ITFG1: variants seen among roughly 807,000 people sequenced by gnomAD.
The protein encoded by ITFG1 is integrin alpha FG-GAP repeat containing 1.
Under a neutral mutation model 81.8 loss-of-function variants are expected in ITFG1, and 34 were observed. The ratio of observed to expected loss-of-function variants is 0.42; its 90% CI spans 0.32 to 0.55. The LOEUF (loss-of-function observed/expected upper bound fraction) is 0.55. Among genes scored for constraint, ITFG1 ranks in the 20% least tolerant of loss-of-function variants. The pLI is 0.17. For missense variants in ITFG1, 672 were observed against 755.4 expected (o/e 0.89, Z 1.29); for synonymous variants, 285 against 270.6 (o/e 1.05, Z -0.52).
At chr16:47,363,856 G>T (rs1039386831) in intron 8 of ITFG1, among the ~76,000 whole-genome samples, 4 of 151,946 alleles carry the variant, frequency 2.6e-5, no homozygotes, top group Non-Finnish European at 1.5e-5. Flanking sequence ...AGTGAGCTGG[G>T]AGCCATTTAA....
chr16:47,444,213 T>G (rs572922537), intron 5 of ITFG1, among the ~76,000 whole-genome samples: 132 of 152,278 alleles, frequency 8.7e-4, no homozygotes, highest in Non-Finnish European at 1.5e-3. Context: ...GTAAATCAGA[T>G]AAAACTGATT....
intron 6 of ITFG1, among the ~76,000 whole-genome samples, chr16:47,384,662 C>T (rs1047831897): frequency 1.3e-4 from 20 of 152,170 alleles, no homozygotes; most frequent in African/African-American, 4.6e-4. Context: ...CACTTACTTG[C>T]CTATAAAATG....
intron 5 of ITFG1, among the ~76,000 whole-genome samples, chr16:47,437,945 G>T (rs1158806425): frequency 1.3e-5 from 2 of 152,216 alleles, no homozygotes; most frequent in African/African-American, 4.8e-5. Flanking sequence ...AAAGAAAGGG[G>T]TGACAGATGG....
chr16:47,350,680 T>C (rs146353413), intron 8 of ITFG1, among the ~76,000 whole-genome samples: 2,366 of 152,004 alleles, frequency 0.016, 62 homozygotes, highest in African/African-American at 0.053. Context: ...TTCCAATCAA[T>C]AGAAAAAGAG....
intron 10 of ITFG1, among the ~76,000 whole-genome samples, chr16:47,309,314 C>T (rs1017766131): frequency 3.3e-5 from 5 of 152,104 alleles, no homozygotes; most frequent in African/African-American, 7.2e-5. Flanking sequence ...TCATGATCCG[C>T]GTGCCTCGGC....
chr16:47,227,312 C>G (rs1596820081), intron 13 of ITFG1, among the ~76,000 whole-genome samples: 1 of 152,144 alleles, frequency 6.6e-6, no homozygotes, highest in Non-Finnish European at 1.5e-5. Flanking sequence ...ATTGCTGTAT[C>G]TTTCACACCT....
At chr16:47,181,880 T>C (rs1965129076) in intron 14 of ITFG1, among the ~76,000 whole-genome samples, 5 of 152,174 alleles carry the variant, frequency 3.3e-5, no homozygotes, top group Admixed American at 3.3e-4. Context: ...TCTATGACCT[T>C]ACCCCCAACC....
At chr16:47,183,750 G>A (rs1014033549) in intron 14 of ITFG1, among the ~76,000 whole-genome samples, 4 of 152,222 alleles carry the variant, frequency 2.6e-5, no homozygotes, top group Admixed American at 6.5e-5. Context: ...CCAAAGGAAC[G>A]CAGTTCCTCA....
intron 9 of ITFG1, chr16:47,311,798 A>C (rs1266139382): frequency 6.4e-6 from 1 of 157,368 alleles, no homozygotes; most frequent in Non-Finnish European, 1.4e-5. Context: ...AATATCATCT[A>C]ATACTGATGT....
chr16:47,320,952 C>G (rs150764070), intron 8 of ITFG1, among the ~76,000 whole-genome samples: 1 of 152,218 alleles, frequency 6.6e-6, no homozygotes, highest in African/African-American at 2.4e-5. Flanking sequence ...AAATGTTGCT[C>G]CATAGATGGT....
chr16:47,425,467 T>A (rs1022941922), intron 6 of ITFG1, among the ~76,000 whole-genome samples: 3 of 151,876 alleles, frequency 2.0e-5, no homozygotes, highest in Non-Finnish European at 2.9e-5. Flanking sequence ...GTCCAACCAG[T>A]CCCAATGCAA....
At position 47,342,291 on chromosome 16, in the gene ITFG1, A is replaced by T. The variant is rs541934570; in HGVS notation, c.802+23497T>A. ...GACCCACATGATCATCTCAAGTGAC[A>T]CATAAAAGGCACATGACAAATTCAA... On this transcript the variant is annotated intron_variant, in intron 8 of 17. Coordinates refer to ENST00000320640, the MANE Select transcript of ITFG1 (RefSeq NM_030790.5). Among the ~76,000 whole-genome samples, 98 of 152,314 alleles carry T rather than the reference A, an allele frequency of 6.4e-4. 1 individual carries two copies. The highest frequency in any genetic ancestry group is 2.1e-3 in the African/African-American group (88 of 41,588).
chr16:47,304,625 GT>G, intron 10 of ITFG1, among the ~76,000 whole-genome samples: 1 of 152,222 alleles, frequency 6.6e-6, no homozygotes. Context: ...ATTAATATAT[GT>G]GACTGAAAGT....
chr16:47,341,404 AAAAAAAAAAAAAG>A (rs1967781419), intron 8 of ITFG1, among the ~76,000 whole-genome samples: 1 of 148,688 alleles, frequency 6.7e-6, no homozygotes, highest in Non-Finnish European at 1.5e-5. Context: ...GCCACTGAAA[AAAAAAAAAAAAAG>A]AAAAAAAAAA....
At chr16:47,223,068 T>A (rs1965713379) in intron 13 of ITFG1, among the ~76,000 whole-genome samples, 1 of 151,338 alleles carries the variant, frequency 6.6e-6, no homozygotes. Context: ...TCCTTACACC[T>A]TATACAAAAA....
chr16:47,260,030 C>T (rs1966189274), intron 11 of ITFG1, among the ~76,000 whole-genome samples: 1 of 151,780 alleles, frequency 6.6e-6, no homozygotes, highest in Admixed American at 6.6e-5. Flanking sequence ...ACTCTGCCTC[C>T]CGGGTTCACG....
chr16:47,270,013 T>G (rs946780787), intron 10 of ITFG1, among the ~76,000 whole-genome samples: 5 of 152,002 alleles, frequency 3.3e-5, no homozygotes, highest in Non-Finnish European at 4.4e-5. Context: ...TCAAAGGCAA[T>G]TGAGTGGAAA....
At chr16:47,395,752 T>C (rs1968585400) in intron 6 of ITFG1, among the ~76,000 whole-genome samples, 2 of 152,246 alleles carry the variant, frequency 1.3e-5, no homozygotes, top group Non-Finnish European at 2.9e-5. Flanking sequence ...TAAATGGAGT[T>C]TCTCTTCTAG....
intron 6 of ITFG1, among the ~76,000 whole-genome samples, chr16:47,420,445 A>C (rs909140622): frequency 6.6e-6 from 1 of 152,158 alleles, no homozygotes; most frequent in Non-Finnish European, 1.5e-5. Context: ...TGAAGTGCTG[A>C]ACTATTAATG....
Sources: allele counts gnomAD v4.1 joint callset (sites outside exome capture counted in the v4.1 genomes callset), GRCh38; gene constraint gnomAD v4.1.1; transcripts MANE v1.5; gene names NCBI Gene and HGNC (gene_info 2026-07-23, HGNC 2026-07-21).